MATN2: variants seen among roughly 807,000 people sequenced by gnomAD.
The protein encoded by MATN2 is matrilin 2, also known as matrilin-2.
In MATN2, 69 loss-of-function variants were observed where a neutral mutation model predicts 103.2. That is an observed-to-expected ratio of 0.67 (90% CI 0.55 to 0.82). The LOEUF (loss-of-function observed/expected upper bound fraction) is 0.82, where lower values mean the gene tolerates loss of function less well. MATN2 is among the 40% of genes least tolerant of loss of function. MATN2 has a pLI of 0.00. For missense variants in MATN2, 1,023 were observed against 1,211.5 expected (o/e 0.84, Z 2.31); for synonymous variants, 429 against 450.2 (o/e 0.95, Z 0.60).
At chr8:97,928,927 T>C (rs867686300) in intron 2 of MATN2, among the ~76,000 whole-genome samples, 38 of 152,342 alleles carry the variant, frequency 2.5e-4, no homozygotes, top group Admixed American at 9.1e-4. Context: ...TTCTTGATCC[T>C]TTCTCAAAAA....
chr8:97,986,966 G>T (rs1586125664), intron 6 of MATN2, among the ~76,000 whole-genome samples: 1 of 151,858 alleles, frequency 6.6e-6, no homozygotes, highest in Non-Finnish European at 1.5e-5. Context: ...CCGAGTGGCT[G>T]GGACTACAGG....
intron 1 of MATN2, among the ~76,000 whole-genome samples, chr8:97,874,842 T>C (rs1289285797): frequency 2.0e-5 from 3 of 151,830 alleles, no homozygotes; most frequent in African/African-American, 7.3e-5. Flanking sequence ...CTCAGCCTCC[T>C]GAGCAGCTGG....
In MATN2 at chr8:97,905,602, A is replaced by G. The variant is rs140150724; in HGVS notation, c.142+17360A>G. Among the ~76,000 whole-genome samples, 939 of 151,870 alleles carry G rather than the reference A, an allele frequency of 6.2e-3. 16 individuals carry two copies. Among genetic ancestry groups the G allele is most frequent in the African/African-American group, 0.021 (862 of 41,414 alleles). On this transcript the variant is annotated intron_variant, in intron 2 of 18. Coordinates refer to ENST00000254898, the MANE Select transcript of MATN2 (RefSeq NM_002380.5). ...AAATACGCTACATTTTACTCCATTCACCTGTCAACGGCCACAGGTTGTTTT... is the reference window on the plus strand; with the variant it reads ...AAATACGCTACATTTTACTCCATTCGCCTGTCAACGGCCACAGGTTGTTTT...
intron 3 of MATN2, among the ~76,000 whole-genome samples, chr8:97,933,014 T>C (rs1032798443): frequency 6.6e-6 from 1 of 152,146 alleles, no homozygotes; most frequent in Non-Finnish European, 1.5e-5. Context: ...CTCTAAGATA[T>C]AGCCCCCAGC....
intron 4 of MATN2, among the ~76,000 whole-genome samples, chr8:97,946,709 C>T (rs1039389852): frequency 1.3e-5 from 2 of 152,178 alleles, no homozygotes; most frequent in Non-Finnish European, 2.9e-5. Context: ...ATTTAGAAAA[C>T]TCCATTTGGC....
intron 5 of MATN2, among the ~76,000 whole-genome samples, chr8:97,969,263 C>A: frequency 6.6e-6 from 1 of 152,184 alleles, no homozygotes; most frequent in East Asian, 1.9e-4. Context: ...ACCTGTAACA[C>A]GGGGGATCAC....
At chr8:97,978,465 G>A (rs1238340458) in intron 5 of MATN2, among the ~76,000 whole-genome samples, 13 of 151,948 alleles carry the variant, frequency 8.6e-5, no homozygotes, top group Admixed American at 6.6e-5. Context: ...TGGGTTTCAC[G>A]TCCAGGGTGA....
intron 13 of MATN2, among the ~76,000 whole-genome samples, chr8:98,026,266 T>C (rs1018583941): frequency 1.3e-5 from 2 of 151,038 alleles, no homozygotes; most frequent in African/African-American, 4.9e-5. Context: ...GTTTTTTTTT[T>C]TTTTACGGAG....
Position 98,028,151 on chromosome 8 carries a change from G to A in MATN2, c.2356+322G>A, listed in dbSNP as rs896263475. On this transcript the variant is annotated intron_variant, in intron 14 of 18. Transcript: ENST00000254898. ...TCGCCTAGATATACACAATAGTTCC[G>A]AAACACTGGTCGGCTTGCTCTAGAA... Among the ~76,000 whole-genome samples, 10 of 152,150 alleles carry A rather than the reference G, an allele frequency of 6.6e-5. 1 individual carries two copies. Among genetic ancestry groups the A allele is most frequent in the African/African-American group, 2.2e-4 (9 of 41,426 alleles).
rs1418064935 is a variant in MATN2 at position 98,027,409 on chromosome 8, C to A, written c.1943-7C>A. On this transcript the variant is annotated splice_region_variant and splice_polypyrimidine_tract_variant and intron_variant, in intron 13 of 18. Coordinates refer to ENST00000254898, the MANE Select transcript of MATN2 (RefSeq NM_002380.5). ...CAACTATGTCAACTTTCCTTCTGTT[C>A]ATATAGAATGCACTGAAGGCCCAAT... The A allele has an allele frequency of 6.3e-7, 1 of 1,585,120 alleles. No homozygotes were observed. Among genetic ancestry groups the A allele is most frequent in the South Asian group, 1.1e-5 (1 of 88,232 alleles).
At chr8:97,879,571 T>C (rs941626770) in intron 1 of MATN2, among the ~76,000 whole-genome samples, 2 of 152,208 alleles carry the variant, frequency 1.3e-5, no homozygotes, top group Non-Finnish European at 2.9e-5. Flanking sequence ...TCAGGAGGCC[T>C]GGACAGGGGA....
intron 2 of MATN2, among the ~76,000 whole-genome samples, chr8:97,899,719 T>TG (rs1441868302): frequency 2.0e-5 from 3 of 152,188 alleles, no homozygotes; most frequent in African/African-American, 7.2e-5. Flanking sequence ...CCTGAAGGCC[T>TG]GGGGGTGAGG....
chr8:97,965,555 C>T (rs1207525139), intron 5 of MATN2, among the ~76,000 whole-genome samples: 1 of 152,176 alleles, frequency 6.6e-6, no homozygotes, highest in Admixed American at 6.5e-5. Flanking sequence ...GACTCTAGGC[C>T]AGGTACCGTG....
At chr8:98,020,824 G>A (rs1433709150) in intron 12 of MATN2, among the ~76,000 whole-genome samples, 1 of 152,184 alleles carries the variant, frequency 6.6e-6, no homozygotes, top group Admixed American at 6.5e-5. Flanking sequence ...AGGGTGTTGT[G>A]AGGGTTAAAG....
chr8:97,949,507 A>G (rs143267427), intron 4 of MATN2, among the ~76,000 whole-genome samples: 1,734 of 152,180 alleles, frequency 0.011, 31 homozygotes, highest in African/African-American at 0.04. Context: ...TGACTATACC[A>G]TGTGTTCGCA....
chr8:97,988,695 CT>C (rs1812286579), intron 6 of MATN2, among the ~76,000 whole-genome samples: 1 of 152,094 alleles, frequency 6.6e-6, no homozygotes, highest in South Asian at 2.1e-4. Flanking sequence ...GGAATTTGCA[CT>C]TTAAAACCTT....
At chr8:97,972,369 A>G (rs1471562165) in intron 5 of MATN2, among the ~76,000 whole-genome samples, 1 of 151,822 alleles carries the variant, frequency 6.6e-6, no homozygotes, top group Non-Finnish European at 1.5e-5. Context: ...AAGAAAAGAA[A>G]AGAAATTTTC....
At chr8:98,023,504 C>G (rs1226550190) in intron 13 of MATN2, among the ~76,000 whole-genome samples, 1 of 151,992 alleles carries the variant, frequency 6.6e-6, no homozygotes, top group Non-Finnish European at 1.5e-5. Context: ...AACCCTGTCT[C>G]TACAAAAATT....
chr8:97,986,542 A>G (rs1395628120), intron 6 of MATN2, among the ~76,000 whole-genome samples: 2 of 152,198 alleles, frequency 1.3e-5, no homozygotes, highest in Admixed American at 6.5e-5. Context: ...TTGGTTTTCC[A>G]TTCCTGAGTT....
Sources: gnomAD v4.1 joint callset for allele counts (sites outside exome capture counted in the v4.1 genomes callset) on GRCh38, gnomAD v4.1.1 for gene constraint, MANE v1.5 for transcripts, NCBI Gene and HGNC (gene_info 2026-07-23, HGNC 2026-07-21) for gene names.